The following SUMF1 variants were observed in gnomAD, a reference collection of about 807,000 sequenced individuals.
The protein encoded by SUMF1 is sulfatase modifying factor 1, also known as formylglycine-generating enzyme.
Under a neutral mutation model 47.6 loss-of-function variants are expected in SUMF1, and 48 were observed. The observed-to-expected ratio is 1.01, with a 90% CI of 0.80 to 1.28. The LOEUF is 1.28. Ranked by LOEUF, SUMF1 falls within the 50% of genes most tolerant of loss-of-function variation. The pLI, the probability that SUMF1 is intolerant of heterozygous loss-of-function variation, is 0.00. For synonymous variants in SUMF1, 230 were observed against 192.1 expected (o/e 1.20, Z -1.63); for missense variants, 571 against 485.4 (o/e 1.18, Z -1.66).
intron 8 of SUMF1, among the ~76,000 whole-genome samples, chr3:4,185,729 A>G (rs1409051306): frequency 1.3e-5 from 2 of 152,218 alleles, no homozygotes; most frequent in Non-Finnish European, 2.9e-5. Context: ...TAGTGAGAGT[A>G]TAATTTTATA....
chr3:4,043,703 G>C (rs372134358), intron 9 of SUMF1, among the ~76,000 whole-genome samples: 1 of 152,014 alleles, frequency 6.6e-6, no homozygotes, highest in African/African-American at 2.4e-5. Flanking sequence ...TTGAACTATC[G>C]ATCTGTCTGC....
At chr3:4,401,069 G>C (rs1575177138) in intron 7 of SUMF1, among the ~76,000 whole-genome samples, 1 of 150,090 alleles carries the variant, frequency 6.7e-6, no homozygotes, top group Non-Finnish European at 1.5e-5. Flanking sequence ...GAGGTGTCTG[G>C]TTTTCTGTCC....
chr3:4,256,722 T>C (rs1696962134), intron 8 of SUMF1, among the ~76,000 whole-genome samples: 1 of 152,174 alleles, frequency 6.6e-6, no homozygotes, highest in African/African-American at 2.4e-5. Context: ...TCTGAAACTA[T>C]TCCAATCAAT....
At chr3:4,047,107 T>G (rs1337452633) in intron 9 of SUMF1, among the ~76,000 whole-genome samples, 1 of 152,090 alleles carries the variant, frequency 6.6e-6, no homozygotes, top group Non-Finnish European at 1.5e-5. Context: ...CTGCCCCAGA[T>G]CTTTGCTGGT....
intron 8 of SUMF1, among the ~76,000 whole-genome samples, chr3:4,195,130 C>T (rs924335334): frequency 1.3e-5 from 2 of 152,080 alleles, no homozygotes; most frequent in Non-Finnish European, 2.9e-5. Flanking sequence ...AAATTTGGCT[C>T]ATTTAGGAAT....
intron 8 of SUMF1, among the ~76,000 whole-genome samples, chr3:4,114,984 G>A (rs574108607): frequency 5.3e-5 from 8 of 152,108 alleles, no homozygotes; most frequent in East Asian, 3.9e-4. Context: ...CTGTGCCCAC[G>A]GAACTAGGTG....
chr3:4,051,572 G>A (rs1695110882), intron 9 of SUMF1, among the ~76,000 whole-genome samples: 1 of 152,130 alleles, frequency 6.6e-6, no homozygotes, highest in Admixed American at 6.6e-5. Context: ...AAGTTGTAAC[G>A]TTTCTAAATA....
At chr3:4,270,265 T>C (rs978182998) in intron 8 of SUMF1, among the ~76,000 whole-genome samples, 1 of 152,130 alleles carries the variant, frequency 6.6e-6, no homozygotes, top group East Asian at 1.9e-4. Flanking sequence ...GAAGTAATAC[T>C]GACTATAGGT....
At chr3:4,328,211 C>G (rs956805749) in intron 8 of SUMF1, among the ~76,000 whole-genome samples, 1 of 151,782 alleles carries the variant, frequency 6.6e-6, no homozygotes, top group African/African-American at 2.4e-5. Flanking sequence ...CAACAAGACC[C>G]TGTCTCAAAA....
intron 8 of SUMF1, among the ~76,000 whole-genome samples, chr3:4,261,023 T>G (rs1400829355): frequency 6.6e-6 from 1 of 152,162 alleles, no homozygotes; most frequent in Non-Finnish European, 1.5e-5. Flanking sequence ...ACTAAGCCAG[T>G]AGATGTGTGA....
intron 8 of SUMF1, among the ~76,000 whole-genome samples, chr3:4,182,476 A>C (rs937961523): frequency 6.6e-6 from 1 of 151,484 alleles, no homozygotes; most frequent in African/African-American, 2.4e-5. Flanking sequence ...CTTAAGGAAA[A>C]AAGAAACTTG....
intron 8 of SUMF1, among the ~76,000 whole-genome samples, chr3:4,325,987 G>A (rs181284618): frequency 9.7e-4 from 148 of 152,200 alleles, no homozygotes; most frequent in African/African-American, 3.3e-3. Context: ...ATGCCTGGCT[G>A]ATTTCTGTAT....
chr3:4,202,288 A>G (rs1695556608), intron 8 of SUMF1, among the ~76,000 whole-genome samples: 1 of 152,008 alleles, frequency 6.6e-6, no homozygotes, highest in African/African-American at 2.4e-5. Flanking sequence ...GTATATGGCA[A>G]CAGATAGGGG....
At chr3:4,416,382 C>A (rs1701712744) in intron 6 of SUMF1, among the ~76,000 whole-genome samples, 1 of 151,950 alleles carries the variant, frequency 6.6e-6, no homozygotes, top group African/African-American at 2.4e-5. Context: ...TGCTGAAAGA[C>A]AATGTATTTG....
At chr3:4,366,743 G>T in intron 8 of SUMF1, among the ~76,000 whole-genome samples, 1 of 152,284 alleles carries the variant, frequency 6.6e-6, no homozygotes, top group Admixed American at 6.5e-5. Flanking sequence ...ATCCAGCTTT[G>T]TTCCATTGCT....
chr3:4,306,943 G>C (rs1357808959), intron 8 of SUMF1, among the ~76,000 whole-genome samples: 2 of 152,186 alleles, frequency 1.3e-5, no homozygotes, highest in African/African-American at 4.8e-5. Context: ...GCTAACAGTT[G>C]GATCTAACCA....
At position 4,067,332 on chromosome 3, in the gene SUMF1, C is replaced by T. The variant is rs781373368; in HGVS notation, c.1191+1237G>A. Among the ~76,000 whole-genome samples, 76 of 152,150 alleles carry T rather than the reference C, an allele frequency of 5.0e-4. 1 individual carries two copies. Among genetic ancestry groups the T allele is most frequent in the Admixed American group, 7.9e-4 (12 of 15,272 alleles). On this transcript the variant is annotated intron_variant and NMD_transcript_variant, in intron 9 of 12. Transcript: ENST00000448413. ...TATATTCTAGCCATTGGTTTTGAGG[C>T]ATATATACCATATCATGAAGGAGAG...
At chr3:4,220,768 C>T (rs574566762) in intron 8 of SUMF1, among the ~76,000 whole-genome samples, 16 of 152,176 alleles carry the variant, frequency 1.1e-4, no homozygotes, top group East Asian at 1.9e-4. Context: ...ATCTGTAAAA[C>T]GAGAAGACTG....
intron 8 of SUMF1, among the ~76,000 whole-genome samples, chr3:4,167,311 T>C (rs573679654): frequency 5.9e-5 from 9 of 152,238 alleles, no homozygotes; most frequent in African/African-American, 2.2e-4. Context: ...CCCTTATTTG[T>C]CCCCTCCCAT....
Sources: gnomAD v4.1 joint callset for allele counts (sites outside exome capture counted in the v4.1 genomes callset) on GRCh38, gnomAD v4.1.1 for gene constraint, MANE v1.5 for transcripts, NCBI Gene and HGNC (gene_info 2026-07-23, HGNC 2026-07-21) for gene names.